Variants in FCRL5 observed in about 807,000 individuals in gnomAD.
The protein encoded by FCRL5 is Fc receptor like 5, also known as Fc receptor-like protein 5.
FCRL5 carries 79 observed loss-of-function variants against 92.1 expected under a neutral mutation model. The observed-to-expected ratio is 0.86, with a 90% CI of 0.72 to 1.03. The LOEUF (loss-of-function observed/expected upper bound fraction) is 1.03. Ranked by LOEUF, FCRL5 falls within the 50% of genes least tolerant of loss-of-function variation. The pLI, the probability that FCRL5 is intolerant of heterozygous loss-of-function variation, is 0.00. For synonymous variants in FCRL5, 466 were observed against 469.3 expected (o/e 0.99, Z 0.09); for missense variants, 1,160 against 1,181.1 (o/e 0.98, Z 0.26).
At chr1:157,528,903 G>A (rs972483986) in intron 8 of FCRL5, among the ~76,000 whole-genome samples, 1 of 152,146 alleles carries the variant, frequency 6.6e-6, no homozygotes, top group African/African-American at 2.4e-5. Flanking sequence ...GTTGGCTTAG[G>A]CAGAGTTCAT....
chr1:157,550,966 T>C (rs1415622030), intron 1 of FCRL5, among the ~76,000 whole-genome samples: 2 of 152,380 alleles, frequency 1.3e-5, no homozygotes, highest in East Asian at 3.9e-4. Context: ...CATGAGGCTA[T>C]TGGAGACTTA....
intron 8 of FCRL5, among the ~76,000 whole-genome samples, chr1:157,529,651 C>T (rs746241829): frequency 4.6e-5 from 7 of 151,952 alleles, no homozygotes; most frequent in Non-Finnish European, 1.0e-4. Flanking sequence ...TAAAAAGGAA[C>T]AAAATAATGG....
chr1:157,543,482 A>G lies in FCRL5; in HGVS notation c.845-345T>C, dbSNP rs187128254. 6.6e-4 allele frequency among the ~76,000 whole-genome samples: 100 copies of G among 152,326 alleles called. 2 individuals are homozygous for G. In the East Asian group the frequency reaches 0.018, roughly 28 times the overall value. On this transcript the variant is annotated intron_variant, in intron 5 of 16. Transcript: ENST00000361835. Reference sequence around the variant, plus strand: ...CTGCTCCTACTCTCTCCCTTGGCCCAGACTGACCTTCTTTATTTACAGGTG... The same window carrying G: ...CTGCTCCTACTCTCTCCCTTGGCCCGGACTGACCTTCTTTATTTACAGGTG...
In FCRL5 at chr1:157,544,824, G is replaced by A; in HGVS notation, c.559+7C>T. The A allele has an allele frequency of 1.2e-6, 2 of 1,613,978 alleles. No individual in the cohort carries two copies. The highest frequency in any genetic ancestry group is 1.7e-6 in the Non-Finnish European group (2 of 1,180,010). ...CAACTCACTTCACAAAATAATGAAG[G>A]CTTTACCTTGGACTTGGATTTTGAC... On this transcript the variant is annotated splice_region_variant and intron_variant, in intron 4 of 16. Transcript: ENST00000361835.
chr1:157,534,979 A>G, intron 7 of FCRL5, 87 bp from the exon 8 acceptor site: 1 of 1,320,678 alleles, frequency 7.6e-7, no homozygotes, highest in South Asian at 1.6e-5. Flanking sequence ...CCCAGTCTCC[A>G]GTACAGGATC....
rs2012199 is a variant in FCRL5, at chr1:157,539,235, C to T, written c.1253G>A (p.Gly418Asp). 0.86 allele frequency: 1,383,036 copies of T among 1,614,010 alleles called. 593,475 individuals are homozygous for T. Among genetic ancestry groups the T allele is most frequent in the South Asian group, 0.91 (83,300 of 91,070 alleles). ...LPILYQFHHEGAALERRSANS... is the reference protein window; with the variant it reads ...LPILYQFHHEDAALERRSANS... The stretch of plus-strand genomic sequence containing the variant: ...GGCCGACCTACGCTCCAGGGCAGCA[C>T]CCTCATGATGAAACTGGTACAGGAT... Residue 418 changes from glycine to aspartate, a missense_variant, in exon 7 of 17, where the codon GGT becomes GAT. Physicochemically the swap from Gly to Asp is moderately conservative, Grantham distance 94 (BLOSUM62 -1). Coordinates refer to ENST00000361835, the MANE Select transcript of FCRL5 (RefSeq NM_031281.3).
chr1:157,527,859 G>A lies in FCRL5; in HGVS notation c.1718C>T (p.Pro573Leu). 3.7e-6 allele frequency: 6 copies of A among 1,606,348 alleles called. No individual in the cohort carries two copies. Among genetic ancestry groups the A allele is most frequent in the Non-Finnish European group, 5.1e-6 (6 of 1,176,094 alleles). Residue 573 changes from proline to leucine, a missense_variant, in exon 9 of 17, where the codon CCC becomes CTC. Physicochemically the swap from Pro to Leu is moderately conservative, Grantham distance 98 (BLOSUM62 -3). Transcript: ENST00000361835. ...VSRPILTLRV[P>L]RAQAVVGDLL... ...GTCCCCCACCACAGCCTGGGCCCTG[G>A]GAACCCTGAGGGTGAGGATGGGGCG...
intron 8 of FCRL5, among the ~76,000 whole-genome samples, chr1:157,530,743 G>A (rs1362492254): frequency 6.6e-6 from 1 of 152,218 alleles, no homozygotes; most frequent in South Asian, 2.1e-4. Context: ...ATTAATGGAT[G>A]TTTGGGATGT....
chr1:157,544,309 G>A lies in FCRL5; in HGVS notation c.797C>T (p.Pro266Leu), dbSNP rs1571108274. 6.2e-7 allele frequency: 1 copy of A among 1,614,206 alleles called. No homozygotes were observed. Among genetic ancestry groups the A allele is most frequent in the Admixed American group, 1.7e-5 (1 of 60,030 alleles). Reference sequence around the variant, plus strand: ...CGGGCTGTCAGATATGACGCTGTAAGGCATTGTTGCTGCCTTACACCAGTA... The same window carrying A: ...CGGGCTGTCAGATATGACGCTGTAAAGCATTGTTGCTGCCTTACACCAGTA... ...GFYWCKAATM[P>L]YSVISDSPRS... Residue 266 changes from proline to leucine, a missense_variant, in exon 5 of 17, where the codon CCT (proline) becomes CTT (leucine). Coordinates refer to ENST00000361835, the MANE Select transcript of FCRL5 (RefSeq NM_031281.3).
chr1:157,545,597 C>T (rs1248064377), intron 3 of FCRL5, among the ~76,000 whole-genome samples: 4 of 133,366 alleles, frequency 3.0e-5, no homozygotes, highest in African/African-American at 8.9e-5. Flanking sequence ...GGTGCTATCT[C>T]GGCTCACTGC....
Position 157,552,349 on chromosome 1 carries a change from A to G in FCRL5, c.14T>C (p.Val5Ala). The G allele has an allele frequency of 6.2e-7, 1 of 1,614,006 alleles. No homozygotes were observed. The highest frequency in any genetic ancestry group is 8.5e-7 in the Non-Finnish European group (1 of 1,179,966). Residue 5 changes from valine (V) to alanine (A), a missense_variant, in exon 1 of 17, where the codon GTG becomes GCG. Physicochemically the swap from Val to Ala is moderately conservative, Grantham distance 64 (BLOSUM62 0). Transcript: ENST00000361835. MLLW[V>A]ILLVLAPVSG... ...TTACTCACCCAGGACCAGTAATATC[A>G]CCCACAGCAGCATGAAGACCTGGAC...
chr1:157,518,851 T>A, intron 13 of FCRL5, 69 bp from the exon 14 acceptor site: 1 of 1,297,854 alleles, frequency 7.7e-7, no homozygotes, highest in Non-Finnish European at 1.1e-6. Context: ...TCACTCCTAG[T>A]GAGTGACTTC....
At chr1:157,549,416 C>T in intron 2 of FCRL5, 144 bp downstream of exon 2, 1 of 723,412 alleles carries the variant, frequency 1.4e-6, no homozygotes, top group Non-Finnish European at 2.2e-6. Context: ...GCACATGTAC[C>T]CTAAAACTTA....
At chr1:157,540,392 C>A (rs1485830783) in intron 6 of FCRL5, among the ~76,000 whole-genome samples, 1 of 152,184 alleles carries the variant, frequency 6.6e-6, no homozygotes, top group Non-Finnish European at 1.5e-5. Flanking sequence ...GAGGAGCCCT[C>A]CTTGGCCTGC....
At chr1:157,534,234 G>T in intron 8 of FCRL5, 1 of 602,904 alleles carries the variant, frequency 1.7e-6, no homozygotes, top group African/African-American at 1.8e-5. Flanking sequence ...ATCCTTTGGA[G>T]AATTTAAGGT....
intron 8 of FCRL5, chr1:157,534,272 T>C: frequency 2.9e-6 from 2 of 681,154 alleles, no homozygotes; most frequent in Non-Finnish European, 5.4e-6. Flanking sequence ...TATAAGACTG[T>C]GCTTGTAGCT....
At chr1:157,526,702 A>G (rs917606768) in intron 9 of FCRL5, among the ~76,000 whole-genome samples, 2 of 152,228 alleles carry the variant, frequency 1.3e-5, no homozygotes, top group African/African-American at 4.8e-5. Flanking sequence ...TAGACACTCA[A>G]TTTGGTGGTG....
At position 157,518,525 on chromosome 1, in the gene FCRL5, A is replaced by G. The variant is rs141702307; in HGVS notation, c.2744-28T>C. On this transcript the variant is annotated intron_variant, in intron 14 of 16. Coordinates refer to ENST00000361835, the MANE Select transcript of FCRL5 (RefSeq NM_031281.3). ...TAGAAAAAAGTTGAAGTTTCAGAGG[A>G]TGCTGAGGTTCTTGCCTCTTGTTAG... 6,300 of 1,592,954 alleles carry G rather than the reference A, an allele frequency of 4.0e-3. 38 individuals carry two copies. Among genetic ancestry groups the G allele is most frequent in the Middle Eastern group, 0.018 (107 of 6,020 alleles).
At chr1:157,523,705 C>G (rs1177995692) in intron 10 of FCRL5, 1 of 152,590 alleles carries the variant, frequency 6.6e-6, no homozygotes, top group Non-Finnish European at 1.5e-5. Context: ...TGATGGATGT[C>G]CATTTCCATT....
Sources: allele counts gnomAD v4.1 joint callset (sites outside exome capture counted in the v4.1 genomes callset), GRCh38; gene constraint gnomAD v4.1.1; transcripts MANE v1.5; gene names NCBI Gene and HGNC (gene_info 2026-07-23, HGNC 2026-07-21).